The following AGBL4 variants were observed in gnomAD, a reference collection of about 807,000 sequenced individuals.
AGBL4 encodes the protein cytosolic carboxypeptidase 6.
In AGBL4, 58 loss-of-function variants were observed where a neutral mutation model predicts 66.4. That is an observed-to-expected ratio of 0.87 (90% CI 0.71 to 1.09). AGBL4 has a LOEUF of 1.09. Ranked by LOEUF, AGBL4 falls within the 50% of genes least tolerant of loss-of-function variation. The pLI is 0.00. For missense variants in AGBL4, 579 were observed against 631.0 expected (o/e 0.92, Z 0.88); for synonymous variants, 234 against 222.9 (o/e 1.05, Z -0.44).
At chr1:48,851,179 G>A (rs928195659) in intron 6 of AGBL4, among the ~76,000 whole-genome samples, 1 of 152,160 alleles carries the variant, frequency 6.6e-6, no homozygotes, top group African/African-American at 2.4e-5. Flanking sequence ...CTTATCCGTA[G>A]TGAGAACACT....
At chr1:49,131,306 T>C (rs1189410836) in intron 4 of AGBL4, among the ~76,000 whole-genome samples, 3 of 152,018 alleles carry the variant, frequency 2.0e-5, no homozygotes, top group Non-Finnish European at 4.4e-5. Context: ...TCTATCTTGA[T>C]TGTGGTGGTG....
chr1:49,122,200 C>A (rs1028987796), intron 4 of AGBL4, among the ~76,000 whole-genome samples: 2 of 152,176 alleles, frequency 1.3e-5, no homozygotes, highest in East Asian at 3.9e-4. Context: ...CTTTGCCTCG[C>A]CCTCCATGGG....
intron 4 of AGBL4, among the ~76,000 whole-genome samples, chr1:49,161,770 C>T (rs182210102): frequency 6.6e-6 from 1 of 152,180 alleles, no homozygotes; most frequent in East Asian, 1.9e-4. Context: ...GAAGTCTGTC[C>T]ACGGGGAAGC....
intron 3 of AGBL4, among the ~76,000 whole-genome samples, chr1:49,441,087 C>T (rs1173996725): frequency 1.3e-5 from 2 of 152,020 alleles, no homozygotes; most frequent in African/African-American, 2.4e-5. Flanking sequence ...AGGAGCCCCC[C>T]GCCCGCCACA....
At chr1:48,900,665 C>A (rs1166230554) in intron 5 of AGBL4, among the ~76,000 whole-genome samples, 2 of 152,116 alleles carry the variant, frequency 1.3e-5, no homozygotes, top group Admixed American at 1.3e-4. Flanking sequence ...GGAACTGAAA[C>A]AATTGGTTAT....
intron 3 of AGBL4, among the ~76,000 whole-genome samples, chr1:49,249,654 T>G (rs1428921683): frequency 1.3e-5 from 2 of 152,186 alleles, no homozygotes; most frequent in East Asian, 3.9e-4. Flanking sequence ...TATGGAATAC[T>G]GTATACAAGT....
intron 3 of AGBL4, among the ~76,000 whole-genome samples, chr1:49,537,883 C>T (rs747109923): frequency 4.0e-5 from 6 of 151,026 alleles, no homozygotes; most frequent in Non-Finnish European, 7.4e-5. Flanking sequence ...GCCAAGAAAG[C>T]GCCACTGCAC....
At chr1:49,451,524 C>T (rs1006526522) in intron 3 of AGBL4, among the ~76,000 whole-genome samples, 2 of 152,010 alleles carry the variant, frequency 1.3e-5, no homozygotes, top group African/African-American at 4.8e-5. Flanking sequence ...GCCTACCACA[C>T]TGCCCTAAAG....
At chr1:49,611,937 C>T (rs1645163122) in intron 3 of AGBL4, among the ~76,000 whole-genome samples, 1 of 152,150 alleles carries the variant, frequency 6.6e-6, no homozygotes, top group Non-Finnish European at 1.5e-5. Context: ...TTAGCAATTA[C>T]TTTCCAATAT....
chr1:49,129,294 TG>T (rs869311330), intron 4 of AGBL4, among the ~76,000 whole-genome samples: 28 of 47,080 alleles, frequency 5.9e-4, no homozygotes, highest in Middle Eastern at 0.024. Flanking sequence ...TTGTTTTTTT[TG>T]TTGTTGTTGT....
intron 3 of AGBL4, among the ~76,000 whole-genome samples, chr1:49,445,854 A>AATAAAATAAATATGGAT (rs1646143034): frequency 6.6e-6 from 1 of 151,546 alleles, no homozygotes; most frequent in Non-Finnish European, 1.5e-5. Context: ...TATTTTATTT[A>AATAAAATAAATATGGAT]TTTATTTATT....
At chr1:49,298,604 A>T (rs1458717198) in intron 3 of AGBL4, among the ~76,000 whole-genome samples, 1 of 152,038 alleles carries the variant, frequency 6.6e-6, no homozygotes, top group Non-Finnish European at 1.5e-5. Context: ...GCCCTGGATC[A>T]TTGAGGGGTG....
rs1456169596 is a variant in AGBL4, at chr1:49,879,002, C to T, written c.35-27484G>A. On this transcript the variant is annotated intron_variant, in intron 1 of 13. Coordinates refer to ENST00000371839, the MANE Select transcript of AGBL4 (RefSeq NM_032785.4). The stretch of plus-strand genomic sequence containing the variant: ...TGCAACCCCTGCCTTTTTTTGTTTT[C>T]CATTTGCTTGGTAGATCTTCCTCCA... Among the ~76,000 whole-genome samples, 61 of 100,106 alleles carry T rather than the reference C, an allele frequency of 6.1e-4. 1 individual carries two copies. The highest frequency in any genetic ancestry group is 1.3e-3 in the Admixed American group (11 of 8,438). The allele number at this position is 100,106 out of a possible 152,430, so 65.7% of individuals were successfully genotyped here.
downstream of AGBL4, among the ~76,000 whole-genome samples, chr1:48,528,812 T>C (rs1422971447): frequency 1.3e-5 from 2 of 152,134 alleles, no homozygotes; most frequent in Non-Finnish European, 2.9e-5. Context: ...TGCATGCCAA[T>C]CAAAGTAACA....
intron 4 of AGBL4, among the ~76,000 whole-genome samples, chr1:49,059,920 T>C (rs1644373900): frequency 6.6e-6 from 1 of 152,184 alleles, no homozygotes; most frequent in Non-Finnish European, 1.5e-5. Context: ...GTAACTAACT[T>C]GCTTTTGATT....
intron 9 of AGBL4, among the ~76,000 whole-genome samples, chr1:48,626,535 C>A (rs319949): frequency 0.49 from 74,530 of 152,072 alleles, 20,457 homozygotes; most frequent in Middle Eastern, 0.68. Context: ...AAGAGCTATA[C>A]CCAACAGATA....
chr1:49,564,584 C>T (rs1006450451), intron 3 of AGBL4, among the ~76,000 whole-genome samples: 26 of 152,246 alleles, frequency 1.7e-4, no homozygotes, highest in African/African-American at 5.8e-4. Flanking sequence ...CATTCAGGAG[C>T]AGGTTGTTCA....
At chr1:49,750,424 G>A (rs1001849105) in intron 2 of AGBL4, among the ~76,000 whole-genome samples, 1 of 152,116 alleles carries the variant, frequency 6.6e-6, no homozygotes, top group African/African-American at 2.4e-5. Flanking sequence ...TTATTTCTGA[G>A]GCTTCTGTTC....
intron 2 of AGBL4, among the ~76,000 whole-genome samples, chr1:49,701,710 G>A (rs1647097342): frequency 2.0e-5 from 3 of 152,052 alleles, no homozygotes. Context: ...TTCCTTTGAA[G>A]TGATCAACAA....
Sources: gnomAD v4.1 joint callset for allele counts (sites outside exome capture counted in the v4.1 genomes callset) on GRCh38, gnomAD v4.1.1 for gene constraint, MANE v1.5 for transcripts, NCBI Gene and HGNC (gene_info 2026-07-23, HGNC 2026-07-21) for gene names.